FREM3: variants seen among roughly 807,000 people sequenced by gnomAD.
FREM3 encodes the protein FRAS1-related extracellular matrix protein 3.
FREM3 carries 105 observed loss-of-function variants against 129.1 expected under a neutral mutation model. The observed-to-expected ratio is 0.81, with a 90% CI of 0.69 to 0.96. The LOEUF is 0.96. Ranked by LOEUF, FREM3 falls within the 40% of genes least tolerant of loss-of-function variation. The probability of loss-of-function intolerance (pLI) is 0.00; values close to 1 mark genes in which losing one functional copy is unlikely to be tolerated. For synonymous variants in FREM3, 1,014 were observed against 1,044.9 expected (o/e 0.97, Z 0.57); for missense variants, 2,593 against 2,666.3 (o/e 0.97, Z 0.61).
chr4:143,639,973 C>T (rs1399085079), intron 2 of FREM3, among the ~76,000 whole-genome samples: 2 of 152,112 alleles, frequency 1.3e-5, no homozygotes, highest in East Asian at 1.9e-4. Context: ...ACCTCTCCAT[C>T]GTCTCCTACC....
At chr4:143,667,782 T>C (rs905462049) in intron 2 of FREM3, among the ~76,000 whole-genome samples, 2 of 152,210 alleles carry the variant, frequency 1.3e-5, no homozygotes, top group Admixed American at 6.5e-5. Flanking sequence ...TGAAACTCAT[T>C]GTGTGAATGA....
At chr4:143,605,676 A>G (rs1038477340) in intron 6 of FREM3, among the ~76,000 whole-genome samples, 1 of 152,164 alleles carries the variant, frequency 6.6e-6, no homozygotes, top group Admixed American at 6.6e-5. Context: ...AGCCATTTAC[A>G]TTCCTTATTC....
chr4:143,583,541 T>C (rs767112933), intron 7 of FREM3, among the ~76,000 whole-genome samples: 16 of 150,728 alleles, frequency 1.1e-4, no homozygotes, highest in Admixed American at 9.2e-4. Flanking sequence ...AAGAAAAAAA[T>C]ATTAAAGGCA....
chr4:143,607,614 G>C (rs1738689198), intron 6 of FREM3, among the ~76,000 whole-genome samples: 1 of 152,140 alleles, frequency 6.6e-6, no homozygotes, highest in South Asian at 2.1e-4. Context: ...TACTCTTGTA[G>C]GATTATGAGT....
chr4:143,619,270 T>C (rs973369615), intron 5 of FREM3, among the ~76,000 whole-genome samples: 2 of 152,244 alleles, frequency 1.3e-5, no homozygotes, highest in Non-Finnish European at 2.9e-5. Context: ...TCACCTTTCC[T>C]ACTTGCCAAT....
chr4:143,589,020 T>C (rs552354628), intron 6 of FREM3, among the ~76,000 whole-genome samples: 5 of 152,128 alleles, frequency 3.3e-5, no homozygotes, highest in South Asian at 2.1e-4. Context: ...TTTCATGTGT[T>C]TTTTGGCTGC....
intron 6 of FREM3, among the ~76,000 whole-genome samples, chr4:143,590,174 C>T (rs1009479939): frequency 6.6e-5 from 10 of 152,120 alleles, no homozygotes; most frequent in Non-Finnish European, 1.2e-4. Flanking sequence ...ACAATCATGT[C>T]ATCTGCAAAC....
chr4:143,610,030 AC>A (rs1382388290), intron 6 of FREM3, among the ~76,000 whole-genome samples: 1 of 152,222 alleles, frequency 6.6e-6, no homozygotes, highest in African/African-American at 2.4e-5. Flanking sequence ...TTTAAGAAAA[AC>A]AATCTTTGTT....
At chr4:143,657,599 A>G (rs1390767364) in intron 2 of FREM3, among the ~76,000 whole-genome samples, 1 of 152,218 alleles carries the variant, frequency 6.6e-6, no homozygotes, top group Non-Finnish European at 1.5e-5. Flanking sequence ...TGGAACAGTG[A>G]TCTGAATTGT....
chr4:143,596,891 T>C (rs966656250), intron 6 of FREM3, among the ~76,000 whole-genome samples: 2 of 152,068 alleles, frequency 1.3e-5, no homozygotes, highest in Non-Finnish European at 1.5e-5. Flanking sequence ...TGAGCCATGA[T>C]TGTACCATTG....
At chr4:143,610,783 C>A (rs1738741978) in intron 6 of FREM3, among the ~76,000 whole-genome samples, 1 of 152,124 alleles carries the variant, frequency 6.6e-6, no homozygotes. Context: ...TCTTCTCTGG[C>A]TAAATTTCAG....
chr4:143,645,449 T>C (rs1739397604), intron 2 of FREM3, among the ~76,000 whole-genome samples: 1 of 152,244 alleles, frequency 6.6e-6, no homozygotes, highest in Admixed American at 6.5e-5. Flanking sequence ...TTAACATTTA[T>C]AATTCGTTGA....
At chr4:143,609,876 C>A (rs182965289) in intron 6 of FREM3, among the ~76,000 whole-genome samples, 2 of 152,276 alleles carry the variant, frequency 1.3e-5, no homozygotes, top group East Asian at 1.9e-4. Context: ...GTTTCTCTTT[C>A]CAAAACAACT....
At chr4:143,590,893 T>C (rs1738348240) in intron 6 of FREM3, among the ~76,000 whole-genome samples, 1 of 152,214 alleles carries the variant, frequency 6.6e-6, no homozygotes. Flanking sequence ...TGGTAAGCTA[T>C]TAATTATTGC....
At chr4:143,675,486 G>A (rs972677513) in intron 2 of FREM3, among the ~76,000 whole-genome samples, 3 of 152,046 alleles carry the variant, frequency 2.0e-5, no homozygotes, top group Non-Finnish European at 4.4e-5. Flanking sequence ...AAGAACTAGG[G>A]AAGCAAGAGC....
chr4:143,596,230 G>A (rs915028303), intron 6 of FREM3, among the ~76,000 whole-genome samples: 9 of 152,158 alleles, frequency 5.9e-5, no homozygotes, highest in African/African-American at 2.2e-4. Context: ...AAAGGTGTTT[G>A]GTTTTTGTTT....
chr4:143,665,531 C>T (rs1739843914), intron 2 of FREM3, among the ~76,000 whole-genome samples: 1 of 152,000 alleles, frequency 6.6e-6, no homozygotes, highest in Non-Finnish European at 1.5e-5. Context: ...AAATTCAGCC[C>T]AAGTTCTAGC....
At chr4:143,684,453 G>A (rs1740318489) in intron 2 of FREM3, among the ~76,000 whole-genome samples, 1 of 152,184 alleles carries the variant, frequency 6.6e-6, no homozygotes, top group African/African-American at 2.4e-5. Context: ...ATAGTAAAAG[G>A]CAGAGAGTAC....
At chr4:143,593,478 G>T (rs1426655693) in intron 6 of FREM3, among the ~76,000 whole-genome samples, 1 of 151,986 alleles carries the variant, frequency 6.6e-6, no homozygotes, top group African/African-American at 2.4e-5. Flanking sequence ...CTGCAGGTCT[G>T]TTGGAGTTTA....
Sources: allele counts gnomAD v4.1 joint callset (sites outside exome capture counted in the v4.1 genomes callset), GRCh38; gene constraint gnomAD v4.1.1; transcripts MANE v1.5; gene names NCBI Gene and HGNC (gene_info 2026-07-23, HGNC 2026-07-21).